The following KCNB2 variants were observed in gnomAD, a reference collection of about 807,000 sequenced individuals.
KCNB2 encodes delayed rectifier potassium channel protein.
Under a neutral mutation model 61.5 loss-of-function variants are expected in KCNB2, and 15 were observed. The ratio of observed to expected loss-of-function variants is 0.24; its 90% CI spans 0.16 to 0.38. The LOEUF is 0.38. Among genes scored for constraint, KCNB2 ranks in the 10% least tolerant of loss-of-function variants. The probability of loss-of-function intolerance (pLI) is 1.00; values close to 1 mark genes in which losing one functional copy is unlikely to be tolerated. For missense variants in KCNB2, 828 were observed against 1,125.2 expected (o/e 0.74, Z 3.78); for synonymous variants, 457 against 446.0 (o/e 1.02, Z -0.31).
intron 2 of KCNB2, among the ~76,000 whole-genome samples, chr8:72,684,098 C>T (rs547561001): frequency 9.9e-5 from 15 of 152,128 alleles, no homozygotes; most frequent in Admixed American, 4.6e-4. Context: ...GGCCTAAAAA[C>T]GGCATCCTTG....
chr8:72,716,913 C>G (rs936139049), intron 2 of KCNB2, among the ~76,000 whole-genome samples: 1 of 151,988 alleles, frequency 6.6e-6, no homozygotes, highest in Non-Finnish European at 1.5e-5. Context: ...TCTAGAAAAC[C>G]CCATTGTCTC....
chr8:72,798,162 T>C (rs192684619), intron 2 of KCNB2, among the ~76,000 whole-genome samples: 5 of 152,276 alleles, frequency 3.3e-5, no homozygotes, highest in Admixed American at 3.3e-4. Context: ...TTTTATGACT[T>C]TTAAGAAAAT....
chr8:72,582,424 G>A (rs1437488329), intron 2 of KCNB2, among the ~76,000 whole-genome samples: 1 of 152,194 alleles, frequency 6.6e-6, no homozygotes, highest in East Asian at 1.9e-4. Context: ...ATTCTAGAGA[G>A]CTACAAGCAA....
chr8:72,681,338 A>C (rs2128989094), intron 2 of KCNB2, among the ~76,000 whole-genome samples: 1 of 152,196 alleles, frequency 6.6e-6, no homozygotes, highest in East Asian at 1.9e-4. Context: ...TGATAAATTA[A>C]AAATTTTTAA....
At chr8:72,883,533 G>A (rs895351373) in intron 2 of KCNB2, among the ~76,000 whole-genome samples, 9 of 152,206 alleles carry the variant, frequency 5.9e-5, no homozygotes, top group African/African-American at 2.2e-4. Context: ...ACTGAGAATA[G>A]CATAACCCAA....
chr8:72,548,533 C>T (rs1806296144), intron 1 of KCNB2, among the ~76,000 whole-genome samples: 1 of 152,210 alleles, frequency 6.6e-6, no homozygotes, highest in East Asian at 1.9e-4. Flanking sequence ...CATTACTCTC[C>T]ATGACCACAT....
chr8:72,550,493 A>G (rs2128977270), intron 1 of KCNB2, among the ~76,000 whole-genome samples: 1 of 152,310 alleles, frequency 6.6e-6, no homozygotes, highest in East Asian at 1.9e-4. Flanking sequence ...CCCAGGTCCA[A>G]ACAATTGATA....
At chr8:72,914,804 C>A (rs1447974393) in intron 2 of KCNB2, among the ~76,000 whole-genome samples, 1 of 152,002 alleles carries the variant, frequency 6.6e-6, no homozygotes, top group Non-Finnish European at 1.5e-5. Context: ...TAAGTATAAG[C>A]ATTGTGTTAA....
At chr8:72,718,942 T>C (rs1034845743) in intron 2 of KCNB2, among the ~76,000 whole-genome samples, 4 of 152,178 alleles carry the variant, frequency 2.6e-5, no homozygotes, top group African/African-American at 9.7e-5. Flanking sequence ...GCGAGATTTT[T>C]TTCCCCCACC....
intron 2 of KCNB2, among the ~76,000 whole-genome samples, chr8:72,591,148 G>C (rs1807092755): frequency 6.6e-6 from 1 of 152,040 alleles, no homozygotes; most frequent in South Asian, 2.1e-4. Flanking sequence ...TCTTGTAACT[G>C]TAGTACCTCC....
chr8:72,579,481 T>C (rs11774774), intron 2 of KCNB2, among the ~76,000 whole-genome samples: 18,039 of 152,156 alleles, frequency 0.12, 1,457 homozygotes, highest in East Asian at 0.48. Context: ...CAAGTAGAAT[T>C]TTCTCTTGTC....
chr8:72,786,359 C>T (rs577156800), intron 2 of KCNB2, among the ~76,000 whole-genome samples: 5 of 152,068 alleles, frequency 3.3e-5, no homozygotes, highest in Non-Finnish European at 5.9e-5. Flanking sequence ...AAAGGTTGTT[C>T]GGTGAATTTG....
chr8:72,677,350 C>T (rs886951501), intron 2 of KCNB2, among the ~76,000 whole-genome samples: 7 of 152,152 alleles, frequency 4.6e-5, no homozygotes, highest in African/African-American at 1.7e-4. Context: ...TACTACAGGC[C>T]ACAACCTCTC....
intron 2 of KCNB2, among the ~76,000 whole-genome samples, chr8:72,777,212 G>A (rs939155561): frequency 1.3e-5 from 2 of 152,132 alleles, no homozygotes; most frequent in Non-Finnish European, 2.9e-5. Flanking sequence ...TAAACATAAA[G>A]ATCAACAGAC....
chr8:72,935,132 G>A (rs951948689), intron 2 of KCNB2, among the ~76,000 whole-genome samples: 1 of 152,134 alleles, frequency 6.6e-6, no homozygotes, highest in Non-Finnish European at 1.5e-5. Flanking sequence ...AAGTGGTAAA[G>A]CCAGGGTCAG....
At chr8:72,816,162 T>C (rs1461589472) in intron 2 of KCNB2, among the ~76,000 whole-genome samples, 7 of 152,102 alleles carry the variant, frequency 4.6e-5, no homozygotes, top group Admixed American at 4.6e-4. Context: ...TGAAAATAGA[T>C]TTCCTTAAAG....
At chr8:72,713,734 A>T (rs1807368579) in intron 2 of KCNB2, among the ~76,000 whole-genome samples, 1 of 152,098 alleles carries the variant, frequency 6.6e-6, no homozygotes, top group Non-Finnish European at 1.5e-5. Context: ...AAAACCAGAA[A>T]CTCTAAAAAT....
chr8:72,650,518 A>T (rs185904614), intron 2 of KCNB2, among the ~76,000 whole-genome samples: 2 of 152,310 alleles, frequency 1.3e-5, no homozygotes, highest in Admixed American at 1.3e-4. Context: ...TAAGATTCAG[A>T]GAAGTTAAGT....
intron 2 of KCNB2, among the ~76,000 whole-genome samples, chr8:72,601,088 A>G (rs1023404456): frequency 6.6e-6 from 1 of 152,114 alleles, no homozygotes; most frequent in African/African-American, 2.4e-5. Flanking sequence ...CTGTAAAAAA[A>G]AGGGTATCAG....
Sources: allele counts gnomAD v4.1 joint callset (sites outside exome capture counted in the v4.1 genomes callset), GRCh38; gene constraint gnomAD v4.1.1; transcripts MANE v1.5; gene names NCBI Gene and HGNC (gene_info 2026-07-23, HGNC 2026-07-21).